NAV3: variants seen among roughly 807,000 people sequenced by gnomAD.
NAV3 encodes pore membrane and/or filament interacting like protein 1.
Under a neutral mutation model 244.7 loss-of-function variants are expected in NAV3, and 87 were observed. That is an observed-to-expected ratio of 0.36 (90% CI 0.30 to 0.42). The LOEUF (loss-of-function observed/expected upper bound fraction) is 0.42. Ranked by LOEUF, NAV3 falls within the 20% of genes least tolerant of loss-of-function variation. The pLI is 1.00. For synonymous variants in NAV3, 1,126 were observed against 1,042.2 expected, an observed-to-expected ratio of 1.08 and a Z score of -1.55; for missense variants, 2,663 against 2,893.3, an observed-to-expected ratio of 0.92 and a Z score of 1.83.
At chr12:77,897,585 T>A (rs1236260762) in intron 1 of NAV3, among the ~76,000 whole-genome samples, 1 of 152,180 alleles carries the variant, frequency 6.6e-6, no homozygotes, top group Non-Finnish European at 1.5e-5. Flanking sequence ...TGGTAAGCTG[T>A]CCTAGGCTTC....
chr12:77,979,699 G>GAAAAA (rs982567243), intron 5 of NAV3, among the ~76,000 whole-genome samples: 8 of 79,348 alleles, frequency 1.0e-4, no homozygotes, highest in African/African-American at 3.1e-4. Context: ...GATGTGAAAC[G>GAAAAA]AAAAAAAAAA....
chr12:77,890,407 T>G (rs71462116), intron 1 of NAV3, among the ~76,000 whole-genome samples: 16,125 of 152,222 alleles, frequency 0.11, 1,059 homozygotes, highest in Middle Eastern at 0.17. Context: ...TGAACCACTG[T>G]ACCAGCCTCA....
At chr12:77,824,122 G>A (rs1872862481) in intron 2 of NAV3, among the ~76,000 whole-genome samples, 1 of 152,078 alleles carries the variant, frequency 6.6e-6, no homozygotes, top group Non-Finnish European at 1.5e-5. Flanking sequence ...TCACCAGGCT[G>A]GAGTATAGTG....
intron 3 of NAV3, among the ~76,000 whole-genome samples, chr12:77,955,971 A>C (rs1891321355): frequency 6.6e-6 from 1 of 152,168 alleles, no homozygotes; most frequent in East Asian, 1.9e-4. Flanking sequence ...ATTAAATTGG[A>C]ATTACCTCCC....
At position 77,994,739 on chromosome 12, in the gene NAV3, T is replaced by C; in HGVS notation, c.672-64T>C. 1.2e-5 allele frequency: 15 copies of C among 1,290,620 alleles called. No individual in the cohort carries two copies. In the South Asian group the frequency reaches 1.6e-4, roughly 14 times the overall value. The allele number at this position is 1,290,620 out of a possible 1,614,324, so 79.9% of individuals were successfully genotyped here. ...ATTAATTCATAGTTTTCTTGTAAGTTTGTGCTTTCCTTCCATGTTCAAAGA... is the reference window on the plus strand; with the variant it reads ...ATTAATTCATAGTTTTCTTGTAAGTCTGTGCTTTCCTTCCATGTTCAAAGA... On this transcript the variant is annotated intron_variant, in intron 5 of 39. Coordinates refer to ENST00000397909, the MANE Select transcript of NAV3 (RefSeq NM_001024383.2).
chr12:78,198,063 G>A (rs1959210137), intron 35 of NAV3, among the ~76,000 whole-genome samples: 1 of 151,810 alleles, frequency 6.6e-6, no homozygotes, highest in Admixed American at 6.6e-5. Flanking sequence ...AAGATTCATT[G>A]TGGCATGGCC....
chr12:78,179,782 C>A (rs991474965), intron 29 of NAV3, 100 bp downstream of exon 29: 20 of 1,313,038 alleles, frequency 1.5e-5, no homozygotes, highest in Non-Finnish European at 2.1e-5. Context: ...ACTTGGAAAC[C>A]CACCTTAGAA....
chr12:78,205,652 A>G (rs936738626), intron 39 of NAV3, among the ~76,000 whole-genome samples: 1 of 152,106 alleles, frequency 6.6e-6, no homozygotes, highest in Non-Finnish European at 1.5e-5. Context: ...ACTTTCTAAA[A>G]TAGTGGAATA....
chr12:77,888,886 G>T (rs530101422), intron 1 of NAV3, among the ~76,000 whole-genome samples: 2 of 152,068 alleles, frequency 1.3e-5, no homozygotes, highest in African/African-American at 4.8e-5. Context: ...ACATACTCAG[G>T]GGGAACTCCA....
intron 37 of NAV3, among the ~76,000 whole-genome samples, chr12:78,200,054 A>G (rs1325668352): frequency 6.6e-6 from 1 of 152,218 alleles, no homozygotes; most frequent in Admixed American, 6.6e-5. Flanking sequence ...ATTGTTATGC[A>G]TCATAAAAAT....
intron 30 of NAV3, among the ~76,000 whole-genome samples, chr12:78,183,305 C>A (rs532993879): frequency 6.6e-6 from 1 of 151,828 alleles, no homozygotes; most frequent in Non-Finnish European, 1.5e-5. Context: ...TGTGAGCCAC[C>A]CACAGTCAAC....
chr12:78,039,427 G>C (rs1423711976), intron 9 of NAV3, among the ~76,000 whole-genome samples: 2 of 151,984 alleles, frequency 1.3e-5, no homozygotes, highest in Non-Finnish European at 1.5e-5. Context: ...AAAGCTTTTG[G>C]CCATATTTTG....
At chr12:77,851,023 C>A (rs919143082) in intron 1 of NAV3, among the ~76,000 whole-genome samples, 1 of 152,160 alleles carries the variant, frequency 6.6e-6, no homozygotes, top group Non-Finnish European at 1.5e-5. Flanking sequence ...TCATAGACAT[C>A]GGATACGCTG....
intron 2 of NAV3, among the ~76,000 whole-genome samples, chr12:77,758,286 G>A (rs1034782871): frequency 1.3e-5 from 2 of 151,678 alleles, no homozygotes; most frequent in Non-Finnish European, 2.9e-5. Flanking sequence ...ACTGATTTAT[G>A]CATTGTCTTC....
intron 2 of NAV3, among the ~76,000 whole-genome samples, chr12:77,691,360 T>TATATATAC (rs60932712): frequency 3.5e-4 from 47 of 134,830 alleles, no homozygotes; most frequent in African/African-American, 1.3e-3. Flanking sequence ...TATATACATA[T>TATATATAC]CCATTCTTGT....
chr12:77,644,607 TA>T (rs1466539652), intron 2 of NAV3, among the ~76,000 whole-genome samples: 1 of 152,126 alleles, frequency 6.6e-6, no homozygotes, highest in Non-Finnish European at 1.5e-5. Flanking sequence ...AATATTTTTT[TA>T]TCAGGTTTTA....
intron 1 of NAV3, among the ~76,000 whole-genome samples, chr12:77,904,285 A>C (rs543491961): frequency 2.3e-3 from 349 of 152,304 alleles, no homozygotes; most frequent in African/African-American, 7.7e-3. Context: ...AAAATGTGGC[A>C]CATATACACC....
chr12:77,686,885 G>A (rs1874776476), intron 2 of NAV3, among the ~76,000 whole-genome samples: 1 of 151,750 alleles, frequency 6.6e-6, no homozygotes, highest in African/African-American at 2.4e-5. Context: ...ATTGTAATAT[G>A]CAAACAGAGT....
intron 2 of NAV3, among the ~76,000 whole-genome samples, chr12:77,787,108 T>TG (rs1870940004): frequency 6.6e-6 from 1 of 152,136 alleles, no homozygotes; most frequent in Non-Finnish European, 1.5e-5. Flanking sequence ...GAAGTTCTTA[T>TG]GTGGCTCACC....
Sources: gnomAD v4.1 joint callset for allele counts (sites outside exome capture counted in the v4.1 genomes callset) on GRCh38, gnomAD v4.1.1 for gene constraint, MANE v1.5 for transcripts, NCBI Gene and HGNC (gene_info 2026-07-23, HGNC 2026-07-21) for gene names.